MUC17: variants seen among roughly 807,000 people sequenced by gnomAD.
The protein encoded by MUC17 is mucin-17.
A neutral mutation model predicts 170.3 loss-of-function variants in MUC17; 190 were observed. That is an observed-to-expected ratio of 1.12 (90% CI 0.99 to 1.26). The LOEUF is 1.26. Ranked by LOEUF, MUC17 falls within the 50% of genes most tolerant of loss-of-function variation. The pLI is 0.00. For missense variants in MUC17, 6,415 were observed against 5,530.0 expected (o/e 1.16, Z -5.08); for synonymous variants, 2,325 against 2,002.5 (o/e 1.16, Z -4.30).
At chr7:101,031,055 G>A in intron 1 of MUC17, 65 bp from the exon 2 acceptor site, 1 of 1,525,456 alleles carries the variant, frequency 6.6e-7, no homozygotes, top group East Asian at 2.4e-5. Flanking sequence ...TAGAGACTCA[G>A]AGTCTTCAAG....
Position 101,042,076 on chromosome 7 carries a change from G to C in MUC17, c.10660G>C (p.Ala3554Pro). 6.2e-7 allele frequency: 1 copy of C among 1,613,902 alleles called. No homozygotes were observed. The highest frequency in any genetic ancestry group is 8.5e-7 in the Non-Finnish European group (1 of 1,179,982). ...SNTFVTSSSQASSSPATLQVT... is the reference protein window; with the variant it reads ...SNTFVTSSSQPSSSPATLQVT... ...CACTTTTGTTACCAGTTCTAGTCAA[G>C]CCAGTTCATCTCCAGCAACTCTTCA... The change falls in exon 3 of 13, where the codon GCC (alanine) becomes CCC (proline). Residue 3554 changes from alanine to proline, a missense_variant. Ala to Pro is a conservative substitution (Grantham distance 27, BLOSUM62 -1). Coordinates refer to ENST00000306151, the MANE Select transcript of MUC17 (RefSeq NM_001040105.2).
In MUC17 at chr7:101,042,152, CA is replaced by C. The variant is rs2116456306; in HGVS notation, c.10738del (p.Thr3580LeufsTer9). The C allele has an allele frequency of 6.2e-7, 1 of 1,614,232 alleles. No individual in the cohort carries two copies. The highest frequency in any genetic ancestry group is 1.1e-5 in the South Asian group (1 of 91,090). Reference sequence around the variant, plus strand: ...CCAAGTGAAGGAAGCTCTTCATTAACAACTATGCTCCTCAGCAGCACATATG... The same window carrying C: ...CCAAGTGAAGGAAGCTCTTCATTAACACTATGCTCCTCAGCAGCACATATG... ...STPSEGSSSL[T>X]TMLLSSTYVT... On this transcript the variant is annotated frameshift_variant, in exon 3 of 13. Transcript: ENST00000306151. LOFTEE classifies it high-confidence loss of function.
rs1251487158 is a variant in MUC17 at position 101,053,431 on chromosome 7, G to C, written c.13358G>C (p.Cys4453Ser). ...TTCCAAAACATTGGCTTTGACATCTGCCAAGGTATTGGCCTTCCTCTCTGA... is the reference window on the plus strand; with the variant it reads ...TTCCAAAACATTGGCTTTGACATCTCCCAAGGTATTGGCCTTCCTCTCTGA... ...GTFQNIGFDI[C>S]QDDDSIHLES... is the part of the protein sequence containing the mutation. The change falls in exon 11 of 13, where the codon TGC becomes TCC. Residue 4453 changes from cysteine to serine, a missense_variant. By Grantham distance (112) the Cys-to-Ser change is moderately radical. Transcript: ENST00000306151. 5 of 1,613,026 alleles carry C rather than the reference G, an allele frequency of 3.1e-6. No homozygotes were observed. Among genetic ancestry groups the C allele is most frequent in the Non-Finnish European group, 4.2e-6 (5 of 1,179,594 alleles).
chr7:101,031,999 A>C lies in MUC17; in HGVS notation c.583A>C (p.Ser195Arg). 6.2e-7 allele frequency: 1 copy of C among 1,614,232 alleles called. No homozygotes were observed. Reference protein sequence around the residue: ...STPLTTSTQASSSPTTPESTT... With the variant: ...STPLTTSTQARSSPTTPESTT... ...ACCTCTGACCACTTCTACTCAGGCA[A>C]GTTCATCTCCTACTACTCCTGAAAG... The change falls in exon 3 of 13, where the codon AGT becomes CGT. Residue 195 changes from serine to arginine, a missense_variant. Transcript: ENST00000306151.
intron 1 of MUC17, among the ~76,000 whole-genome samples, chr7:101,029,376 T>C (rs1794237357): frequency 6.6e-6 from 1 of 151,964 alleles, no homozygotes; most frequent in Admixed American, 6.6e-5. Context: ...CATACATACA[T>C]GTATACATAC....
Position 101,032,786 on chromosome 7 carries a change from T to G in MUC17, c.1370T>G (p.Met457Arg). ...PSEGSTPLTS[M>R]PVSTTPVASS... ...GAAGGAAGCACTCCATTAACAAGTA[T>G]GCCTGTCAGCACCACTCCAGTGGCC... The change falls in exon 3 of 13, where the codon ATG becomes AGG. Residue 457 changes from methionine (M) to arginine (R), a missense_variant. Coordinates refer to ENST00000306151, the MANE Select transcript of MUC17 (RefSeq NM_001040105.2). 1 of 1,614,122 alleles carries G rather than the reference T, an allele frequency of 6.2e-7. No individual in the cohort carries two copies. Among genetic ancestry groups the G allele is most frequent in the Non-Finnish European group, 8.5e-7 (1 of 1,180,010 alleles).
In MUC17 at chr7:101,037,243, ATCAACACCCTT is replaced by A; in HGVS notation, c.5834_5844del (p.Thr1945AsnfsTer4). 1 of 1,610,726 alleles carries A rather than the reference ATCAACACCCTT, an allele frequency of 6.2e-7. No homozygotes were observed. The highest frequency in any genetic ancestry group is 8.5e-7 in the Non-Finnish European group (1 of 1,178,038). ...CACCACAACAGTGGCCAGTTCTGAAATCAACACCCTTTCAACAACTCTTGCTGACACCAGGA... is the reference window on the plus strand; with the variant it reads ...CACCACAACAGTGGCCAGTTCTGAAATCAACAACTCTTGCTGACACCAGGA... On this transcript the variant is annotated frameshift_variant, in exon 3 of 13. Coordinates refer to ENST00000306151, the MANE Select transcript of MUC17 (RefSeq NM_001040105.2). LOFTEE classifies it high-confidence loss of function.
intron 1 of MUC17, among the ~76,000 whole-genome samples, chr7:101,022,405 G>C (rs1373706104): frequency 1.3e-5 from 2 of 152,188 alleles, no homozygotes; most frequent in Non-Finnish European, 2.9e-5. Flanking sequence ...AATCTCAGGT[G>C]ATCCACCTGC....
intron 1 of MUC17, among the ~76,000 whole-genome samples, chr7:101,025,794 CAAA>C (rs35636191): frequency 4.2e-5 from 4 of 96,230 alleles, no homozygotes; most frequent in Non-Finnish European, 4.4e-5. Context: ...ATCTCTCTCT[CAAA>C]AAAAAAAAAA....
chr7:101,033,624 T>C lies in MUC17; in HGVS notation c.2208T>C (p.Ser736=), dbSNP rs71557222. ...CTCCTACAACTGCTGATGGTGCCAG[T>C]ATGCCAACCTCAACTCCTAGTGAAG... ...SSSPTTADGA[S]MPTSTPSEGS... The change falls in exon 3 of 13, where the codon AGT becomes AGC. Residue 736 remains serine, a synonymous_variant. Transcript: ENST00000306151. The C allele has an allele frequency of 1.7e-4, 274 of 1,571,022 alleles. 1 individual carries two copies. In the African/African-American group the frequency reaches 3.6e-3, roughly 21 times the overall value.
At chr7:101,030,695 G>C (rs373879115) in intron 1 of MUC17, among the ~76,000 whole-genome samples, 4 of 151,134 alleles carry the variant, frequency 2.6e-5, no homozygotes, top group African/African-American at 9.7e-5. Context: ...CAGCCTCCTG[G>C]GTAGCTGGGA....
At position 101,049,944 on chromosome 7, in the gene MUC17, A is replaced by G. The variant is rs117283718; in HGVS notation, c.12723-540A>G. On this transcript the variant is annotated intron_variant, in intron 6 of 12. Coordinates refer to ENST00000306151, the MANE Select transcript of MUC17 (RefSeq NM_001040105.2). ...CCGGGAGCACAAGACCAGCCTGAGC[A>G]ACATAGCAAGACCTTGTCTCTACAA... 0.015 allele frequency among the ~76,000 whole-genome samples: 2,358 copies of G among 152,256 alleles called. 150 individuals are homozygous for G. In the East Asian group the frequency reaches 0.17, roughly 11 times the overall value.
Position 101,042,304 on chromosome 7 carries a change from C to A in MUC17, c.10888C>A (p.Pro3630Thr). Residue 3630 changes from proline to threonine, a missense_variant, in exon 3 of 13, where the codon CCT (proline) becomes ACT (threonine). By Grantham distance (38) the Pro-to-Thr change is conservative (BLOSUM62 -1). Coordinates refer to ENST00000306151, the MANE Select transcript of MUC17 (RefSeq NM_001040105.2). Reference sequence around the variant, plus strand: ...AGTTATCACCCTGCCAATGTCAACTCCTAGTGAAGTAAGCACTCCATTAAC... The same window carrying A: ...AGTTATCACCCTGCCAATGTCAACTACTAGTGAAGTAAGCACTCCATTAAC... ...PEVITLPMST[P>T]SEVSTPLTIM... 6.2e-7 allele frequency: 1 copy of A among 1,612,276 alleles called. No homozygotes were observed. Among genetic ancestry groups the A allele is most frequent in the Non-Finnish European group, 8.5e-7 (1 of 1,179,520 alleles).
Position 101,037,040 on chromosome 7 carries a change from GCAC to G in MUC17, c.5628_5630del (p.Thr1878del). The G allele has an allele frequency of 2.5e-6, 4 of 1,582,902 alleles. No individual in the cohort carries two copies. Among genetic ancestry groups the G allele is most frequent in the Non-Finnish European group, 2.5e-6 (3 of 1,178,698 alleles). ...ACTGCATTAACAAGTATACCTGTCA[GCAC>G]CACAACAGTGGCCAGTTCTGAAACC... On this transcript the variant is annotated inframe_deletion, in exon 3 of 13. Coordinates refer to ENST00000306151, the MANE Select transcript of MUC17 (RefSeq NM_001040105.2).
intron 1 of MUC17, among the ~76,000 whole-genome samples, chr7:101,023,415 G>A (rs936827057): frequency 2.0e-5 from 3 of 152,036 alleles, no homozygotes; most frequent in Non-Finnish European, 2.9e-5. Flanking sequence ...TTAAGACATG[G>A]TCTCACTCTG....
chr7:101,057,952 C>T, intron 12 of MUC17, 51 bp from the exon 13 acceptor site: 4 of 1,555,728 alleles, frequency 2.6e-6, no homozygotes, highest in Non-Finnish European at 3.5e-6. Context: ...CTTCCAGAAT[C>T]CCAAATTCCT....
chr7:101,026,136 A>C (rs1446820997), intron 1 of MUC17, among the ~76,000 whole-genome samples: 1 of 151,484 alleles, frequency 6.6e-6, no homozygotes, highest in African/African-American at 2.4e-5. Flanking sequence ...CTTCCCTCTG[A>C]CTCCACCCTC....
At chr7:101,029,579 G>A (rs114954337) in intron 1 of MUC17, among the ~76,000 whole-genome samples, 2 of 151,688 alleles carry the variant, frequency 1.3e-5, no homozygotes, top group African/African-American at 2.4e-5. Flanking sequence ...TTTGCATTCC[G>A]TTTTTTAATT....
In MUC17 at chr7:101,035,741, G is replaced by T; in HGVS notation, c.4325G>T (p.Gly1442Val). The T allele has an allele frequency of 8.7e-6, 14 of 1,610,854 alleles. No homozygotes were observed. The highest frequency in any genetic ancestry group is 1.2e-5 in the Non-Finnish European group (14 of 1,178,142). Residue 1442 changes from glycine (G) to valine (V), a missense_variant, in exon 3 of 13, where the codon GGT becomes GTT. Physicochemically the swap from Gly to Val is moderately radical, Grantham distance 109. Transcript: ENST00000306151. Reference sequence around the variant, plus strand: ...ACTTCATCTCCTACAACTGCTGAAGGTATCAGCATACCAACCTCAACTCCT... The same window carrying T: ...ACTTCATCTCCTACAACTGCTGAAGTTATCAGCATACCAACCTCAACTCCT... ...EATSSPTTAE[G>V]ISIPTSTPSE...
Sources: allele counts gnomAD v4.1 joint callset (sites outside exome capture counted in the v4.1 genomes callset), GRCh38; gene constraint gnomAD v4.1.1; transcripts MANE v1.5; gene names NCBI Gene and HGNC (gene_info 2026-07-23, HGNC 2026-07-21).